Variants in GNA12 observed in about 807,000 individuals in gnomAD.
GNA12 encodes guanine nucleotide-binding protein subunit alpha-12.
Under a neutral mutation model 26.0 loss-of-function variants are expected in GNA12, and 9 were observed. That is an observed-to-expected ratio of 0.35 (90% CI 0.21 to 0.60). The LOEUF is 0.60. Among genes scored for constraint, GNA12 ranks in the 20% least tolerant of loss-of-function variants. The probability of loss-of-function intolerance (pLI) is 0.78; values close to 1 mark genes in which losing one functional copy is unlikely to be tolerated. For synonymous variants in GNA12, 264 were observed against 219.6 expected (o/e 1.20, Z -1.79); for missense variants, 405 against 525.8 (o/e 0.77, Z 2.25).
At chr7:2,796,242 T>C (rs1160324368) in intron 1 of GNA12, among the ~76,000 whole-genome samples, 1 of 152,210 alleles carries the variant, frequency 6.6e-6, no homozygotes, top group Non-Finnish European at 1.5e-5. Context: ...CTGTATTGTT[T>C]TTAAAGTTTA....
intron 2 of GNA12, among the ~76,000 whole-genome samples, chr7:2,790,092 T>G (rs1583284100): frequency 6.6e-6 from 1 of 152,190 alleles, no homozygotes; most frequent in Non-Finnish European, 1.5e-5. Flanking sequence ...TCCCAGTCCC[T>G]GCCTGTGTCT....
At chr7:2,770,661 A>G (rs1791925206) in intron 2 of GNA12, among the ~76,000 whole-genome samples, 1 of 151,908 alleles carries the variant, frequency 6.6e-6, no homozygotes, top group South Asian at 2.1e-4. Context: ...AACAAAACAA[A>G]ACAAAACAAC....
rs113530750 is a variant in GNA12 at position 2,762,899 on chromosome 7, G to A, written c.526-29398C>T. On this transcript the variant is annotated intron_variant, in intron 2 of 3. Transcript: ENST00000275364. The stretch of plus-strand genomic sequence containing the variant: ...TGCTCGTGGAGCCATTGGTGCTGCG[G>A]CGGGGAGAAGAGGCCACAGGCGGGG... The A allele has an allele frequency of 1.4e-3, 1,983 of 1,423,728 alleles. 30 individuals are homozygous for A. The African/African-American group carries it at 0.025, about 18-fold the overall frequency. 88.2% of individuals were successfully genotyped at this position (1,423,728 alleles called of 1,614,324 possible).
intron 1 of GNA12, among the ~76,000 whole-genome samples, chr7:2,803,004 C>T (rs1792850221): frequency 6.6e-6 from 1 of 152,196 alleles, no homozygotes; most frequent in Admixed American, 6.5e-5. Flanking sequence ...GGGATCAGGC[C>T]TATTATTTCT....
At chr7:2,763,182 A>G in intron 2 of GNA12, 2 of 741,860 alleles carry the variant, frequency 2.7e-6, no homozygotes, top group Non-Finnish European at 3.5e-6. Flanking sequence ...GGACTTCACA[A>G]GACACCCCAA....
intron 1 of GNA12, among the ~76,000 whole-genome samples, chr7:2,831,645 C>T (rs998776797): frequency 1.3e-5 from 2 of 151,994 alleles, no homozygotes; most frequent in Non-Finnish European, 2.9e-5. Context: ...CCTCGTGATC[C>T]GCCCGCCTCA....
chr7:2,817,983 C>CA (rs900346740), intron 1 of GNA12, among the ~76,000 whole-genome samples: 15 of 151,894 alleles, frequency 9.9e-5, no homozygotes, highest in Non-Finnish European at 1.9e-4. Flanking sequence ...GGAAACTAAA[C>CA]AAAAAAAGAA....
At position 2,843,857 on chromosome 7, in the gene GNA12, A is replaced by G; in HGVS notation, c.305T>C (p.Leu102Pro). Residue 102 changes from leucine (L) to proline (P), a missense_variant, in exon 1 of 4, where the codon CTC becomes CCC. Coordinates refer to ENST00000275364, the MANE Select transcript of GNA12 (RefSeq NM_007353.3). The stretch of plus-strand genomic sequence containing the variant: ...TGGGCGGGGGGCGCGCGTCACCTTG[A>G]GGATGTTGTCGAAGATGGTGTCGCG... Reference protein sequence around the residue: ...EFRDTIFDNILKGSRVLVDAR... With the variant: ...EFRDTIFDNIPKGSRVLVDAR... The G allele has an allele frequency of 6.6e-7, 1 of 1,520,696 alleles. No homozygotes were observed. Among genetic ancestry groups the G allele is most frequent in the Non-Finnish European group, 8.9e-7 (1 of 1,129,582 alleles). 94.2% of individuals were successfully genotyped at this position (1,520,696 alleles called of 1,614,324 possible).
chr7:2,840,224 C>G (rs922688463), intron 1 of GNA12, among the ~76,000 whole-genome samples: 2 of 152,194 alleles, frequency 1.3e-5, no homozygotes, highest in African/African-American at 4.8e-5. Context: ...TTTCTTACAA[C>G]TGCATAGGAC....
chr7:2,731,066 C>T lies in GNA12; in HGVS notation c.*115G>A, dbSNP rs757540915. On this transcript the variant is annotated 3_prime_UTR_variant, in exon 4 of 4. Transcript: ENST00000275364. This position sits in a 1 kb window ranked among gnomAD's most constrained non-coding sequence, Gnocchi z 6.0. ...TGACAGCATTCCTGAGCCAGGTATT[C>T]CAGGGCACGGATCCGAGAAACCCAC... 1.5e-6 allele frequency: 1 copy of T among 677,994 alleles called. No individual in the cohort carries two copies. The highest frequency in any genetic ancestry group is 2.5e-6 in the Non-Finnish European group (1 of 400,982). The allele number at this position is 677,994 out of a possible 1,614,324, so 42.0% of individuals were successfully genotyped here.
intron 1 of GNA12, among the ~76,000 whole-genome samples, chr7:2,833,246 A>T (rs1778732955): frequency 1.3e-5 from 2 of 152,228 alleles, no homozygotes; most frequent in Admixed American, 1.3e-4. Flanking sequence ...ATGCAAGTTA[A>T]GCCCTAGGTC....
At chr7:2,805,204 G>A (rs1792914924) in intron 1 of GNA12, among the ~76,000 whole-genome samples, 1 of 152,222 alleles carries the variant, frequency 6.6e-6, no homozygotes, top group African/African-American at 2.4e-5. Context: ...CTGCTTCAGA[G>A]AGGCCATAAC....
At chr7:2,802,653 C>T (rs866289901) in intron 1 of GNA12, among the ~76,000 whole-genome samples, 32 of 152,112 alleles carry the variant, frequency 2.1e-4, no homozygotes, top group East Asian at 5.8e-4. Context: ...GATGTTCACT[C>T]GGGCAACAGC....
At chr7:2,812,062 C>T (rs1793094258) in intron 1 of GNA12, among the ~76,000 whole-genome samples, 1 of 152,250 alleles carries the variant, frequency 6.6e-6, no homozygotes, top group East Asian at 1.9e-4. Flanking sequence ...CACGCGACTC[C>T]TCTCCAAAAA....
At chr7:2,827,368 T>C (rs1406952603) in intron 1 of GNA12, among the ~76,000 whole-genome samples, 1 of 152,168 alleles carries the variant, frequency 6.6e-6, no homozygotes, top group African/African-American at 2.4e-5. Context: ...CACTTCCAGA[T>C]GATTAATTGT....
chr7:2,763,802 G>A (rs976188870), intron 2 of GNA12, among the ~76,000 whole-genome samples: 1 of 152,156 alleles, frequency 6.6e-6, no homozygotes, highest in South Asian at 2.1e-4. Flanking sequence ...AAGCTCCCTG[G>A]GCAGGCGAGG....
At chr7:2,843,147 G>A (rs6979678) in intron 1 of GNA12, among the ~76,000 whole-genome samples, 1,526 of 152,016 alleles carry the variant, frequency 0.01, 31 homozygotes, top group African/African-American at 0.035. Context: ...GCTGGTTCCC[G>A]TCCAGTCTCC....
intron 1 of GNA12, among the ~76,000 whole-genome samples, chr7:2,795,363 T>A (rs897489421): frequency 6.6e-6 from 1 of 152,080 alleles, no homozygotes; most frequent in Non-Finnish European, 1.5e-5. Context: ...CCGAGAGCAG[T>A]GGCTCACACT....
At chr7:2,840,610 G>GC (rs1289058629) in intron 1 of GNA12, among the ~76,000 whole-genome samples, 18 of 152,154 alleles carry the variant, frequency 1.2e-4, no homozygotes, top group Admixed American at 3.3e-4. Context: ...TGTAATCCCA[G>GC]CACTTTGGGA....
Sources: allele counts gnomAD v4.1 joint callset (sites outside exome capture counted in the v4.1 genomes callset), GRCh38; gene constraint gnomAD v4.1.1; non-coding constraint Gnocchi (gnomAD v3.1); transcripts MANE v1.5; gene names NCBI Gene and HGNC (gene_info 2026-07-23, HGNC 2026-07-21).